ZNF827: variants seen among roughly 807,000 people sequenced by gnomAD.
ZNF827 encodes zinc finger protein 827.
ZNF827 carries 13 observed loss-of-function variants against 102.4 expected under a neutral mutation model. The observed-to-expected ratio is 0.13, with a 90% CI of 0.08 to 0.20. The LOEUF (loss-of-function observed/expected upper bound fraction) is 0.20. ZNF827 is among the 10% of genes least tolerant of loss of function. The pLI, the probability that ZNF827 is intolerant of heterozygous loss-of-function variation, is 1.00. For synonymous variants in ZNF827, 523 were observed against 536.2 expected, an observed-to-expected ratio of 0.98 and a Z score of 0.34; for missense variants, 1,103 against 1,344.4, an observed-to-expected ratio of 0.82 and a Z score of 2.81.
At chr4:145,925,981 G>C (rs1012919737) in intron 1 of ZNF827, among the ~76,000 whole-genome samples, 5 of 152,106 alleles carry the variant, frequency 3.3e-5, no homozygotes, top group Non-Finnish European at 1.5e-5. Context: ...TATCCTATTG[G>C]TCCTACTCTC....
chr4:145,779,456 A>G lies in ZNF827; in HGVS notation c.2439T>C (p.Asn813=). The G allele has an allele frequency of 6.2e-7, 1 of 1,614,260 alleles. No homozygotes were observed. The highest frequency in any genetic ancestry group is 1.1e-5 in the South Asian group (1 of 91,080). Residue 813 remains asparagine, a synonymous_variant, in exon 9 of 15, where the codon AAT becomes AAC. Coordinates refer to ENST00000508784, the MANE Select transcript of ZNF827 (RefSeq NM_001306215.2). The stretch of plus-strand genomic sequence containing the variant: ...ACACGTCACAGGGAAAAAGCTGGTC[A>G]TTGAATTTCCAGGATGGTAATCCAT... ...AGNGLPSWKF[N]DQLFPCDVCG...
intron 7 of ZNF827, among the ~76,000 whole-genome samples, chr4:145,845,580 C>A (rs1016668705): frequency 6.6e-6 from 1 of 152,118 alleles, no homozygotes; most frequent in Non-Finnish European, 1.5e-5. Flanking sequence ...CAGAAAGAGG[C>A]CTTCGTGAGA....
chr4:145,823,467 G>A lies in ZNF827; in HGVS notation c.2338C>T (p.Leu780=), dbSNP rs1366924302. 1.9e-6 allele frequency: 3 copies of A among 1,586,242 alleles called. No individual in the cohort carries two copies. The East Asian group carries it at 7.0e-5, about 37-fold the overall frequency. Residue 780 remains leucine, a synonymous_variant, in exon 8 of 15, where the codon CTG becomes TTG. Transcript: ENST00000508784. ...TGCAGCACGGAGTCACTGGGCAGCA[G>A]TTCTTTTGAATTGGAGGTGAATGGT... is the stretch of plus-strand genomic sequence containing the variant. The part of the protein sequence containing the change: ...QSPFTSNSKE[L]LPSDSVLHGR...
rs1006984807 is a variant in ZNF827, at chr4:145,761,851, C to T, written c.*18-253G>A. 8.5e-5 allele frequency among the ~76,000 whole-genome samples: 13 copies of T among 152,216 alleles called. No individual in the cohort carries two copies. Among genetic ancestry groups the T allele is most frequent in the South Asian group, 2.1e-4 (1 of 4,830 alleles). On this transcript the variant is annotated intron_variant, in intron 14 of 14. Transcript: ENST00000508784. This position sits in a 1 kb window ranked among gnomAD's most constrained non-coding sequence, Gnocchi z 6.8. ...CCTATTCTGGGTCTCTTGGCCGATA[C>T]AGGCAAGGCCAGCCCTCACCAAGGG...
intron 8 of ZNF827, among the ~76,000 whole-genome samples, chr4:145,815,866 G>C (rs1742548939): frequency 1.3e-5 from 2 of 152,210 alleles, no homozygotes; most frequent in South Asian, 4.1e-4. Context: ...CTTTGCAAAA[G>C]TAAAAAAGCA....
At chr4:145,776,494 A>G (rs1279882445) in intron 9 of ZNF827, among the ~76,000 whole-genome samples, 1 of 151,256 alleles carries the variant, frequency 6.6e-6, no homozygotes, top group Non-Finnish European at 1.5e-5. Context: ...GTCCCAGGGC[A>G]ACTAGAATAG....
intron 1 of ZNF827, among the ~76,000 whole-genome samples, chr4:145,911,625 A>G (rs1752303361): frequency 6.6e-6 from 1 of 152,192 alleles, no homozygotes; most frequent in Non-Finnish European, 1.5e-5. Context: ...TATATGAATT[A>G]TTTTACAGAT....
At chr4:145,778,397 G>A (rs190070256) in intron 9 of ZNF827, among the ~76,000 whole-genome samples, 41 of 152,302 alleles carry the variant, frequency 2.7e-4, no homozygotes, top group Admixed American at 5.2e-4. Context: ...GCCTCCCAAA[G>A]TGTTGGGATT....
intron 7 of ZNF827, among the ~76,000 whole-genome samples, chr4:145,844,298 C>T (rs1745697189): frequency 6.6e-6 from 1 of 151,952 alleles, no homozygotes; most frequent in African/African-American, 2.4e-5. Flanking sequence ...CTCTCATTTT[C>T]TCTCTGTATA....
chr4:145,768,231 C>A (rs1437629586), intron 11 of ZNF827, among the ~76,000 whole-genome samples: 1 of 152,148 alleles, frequency 6.6e-6, no homozygotes, highest in Non-Finnish European at 1.5e-5. Context: ...GTAACGTGAT[C>A]CCAGCTCACT....
chr4:145,931,456 T>C (rs1753800818), intron 1 of ZNF827, among the ~76,000 whole-genome samples: 1 of 152,258 alleles, frequency 6.6e-6, no homozygotes, highest in Admixed American at 6.5e-5. Context: ...TAACTAGGCC[T>C]GGCCTGGATT....
chr4:145,844,733 ATAAAC>A, intron 7 of ZNF827, among the ~76,000 whole-genome samples: 1 of 150,718 alleles, frequency 6.6e-6, no homozygotes, highest in East Asian at 2.0e-4. Flanking sequence ...AATAAATAAA[ATAAAC>A]CCAGTGTGAG....
intron 11 of ZNF827, among the ~76,000 whole-genome samples, chr4:145,768,164 A>C (rs1735602572): frequency 6.6e-6 from 1 of 152,184 alleles, no homozygotes; most frequent in African/African-American, 2.4e-5. Flanking sequence ...TGATAAACTA[A>C]AGATGTACTC....
rs1180230703 is a variant in ZNF827, at chr4:145,761,194, C to G, written c.*422G>C. The G allele has an allele frequency of 2.3e-6, 3 of 1,289,882 alleles. No individual in the cohort carries two copies. The highest frequency in any genetic ancestry group is 2.0e-6 in the Non-Finnish European group (2 of 988,886). The allele number at this position is 1,289,882 out of a possible 1,614,324, so 79.9% of individuals were successfully genotyped here. ...CTTGTCCTCCTCGGGGCAGTCCCCA[C>G]TCTGGTGCTTCTTGACGTGGCGGCT... On this transcript the variant is annotated 3_prime_UTR_variant, in exon 15 of 15. Coordinates refer to ENST00000508784, the MANE Select transcript of ZNF827 (RefSeq NM_001306215.2). The surrounding 1 kb of genome is among the most constrained non-coding windows in gnomAD (Gnocchi z 6.8).
intron 2 of ZNF827, among the ~76,000 whole-genome samples, chr4:145,899,073 C>T (rs1032512129): frequency 2.0e-5 from 3 of 152,084 alleles, no homozygotes; most frequent in African/African-American, 7.2e-5. Flanking sequence ...TTACTTAAGT[C>T]ATTAGGCAAC....
chr4:145,841,931 C>A (rs1008150587), intron 7 of ZNF827, among the ~76,000 whole-genome samples: 31 of 149,920 alleles, frequency 2.1e-4, no homozygotes, highest in East Asian at 1.6e-3. Flanking sequence ...AAAAAAAAAA[C>A]AAAACAAAAA....
At chr4:145,832,553 A>G (rs1408777035) in intron 7 of ZNF827, 1 of 152,192 alleles carries the variant, frequency 6.6e-6, no homozygotes, top group Non-Finnish European at 1.5e-5. Flanking sequence ...AATCTTCTTA[A>G]AAGTCATTTT....
intron 7 of ZNF827, chr4:145,839,378 A>G (rs866865290): frequency 2.6e-5 from 4 of 152,284 alleles, no homozygotes; most frequent in African/African-American, 7.2e-5. Context: ...GATACTTGAA[A>G]TGTCAGCTTG....
At chr4:145,850,695 C>T (rs1746444564) in intron 5 of ZNF827, among the ~76,000 whole-genome samples, 1 of 152,158 alleles carries the variant, frequency 6.6e-6, no homozygotes, top group Non-Finnish European at 1.5e-5. Context: ...AATAAGGCCA[C>T]ACTTTCAAAT....
Sources: gnomAD v4.1 joint callset for allele counts (sites outside exome capture counted in the v4.1 genomes callset) on GRCh38, gnomAD v4.1.1 for gene constraint, Gnocchi (gnomAD v3.1) non-coding constraint, MANE v1.5 for transcripts, NCBI Gene and HGNC (gene_info 2026-07-23, HGNC 2026-07-21) for gene names.